Variants in STRBP observed in about 807,000 individuals in gnomAD.
STRBP encodes spermatid perinuclear RNA-binding protein.
In STRBP, 13 loss-of-function variants were observed where a neutral mutation model predicts 80.1. The ratio of observed to expected loss-of-function variants is 0.16; its 90% CI spans 0.11 to 0.26. The LOEUF (loss-of-function observed/expected upper bound fraction) is 0.26, where lower values mean the gene tolerates loss of function less well. Among genes scored for constraint, STRBP ranks in the 10% least tolerant of loss-of-function variants. The pLI is 1.00. For synonymous variants in STRBP, 284 were observed against 291.2 expected (o/e 0.98, Z 0.25); for missense variants, 485 against 815.2 (o/e 0.59, Z 4.93).
chr9:123,169,941 A>G lies in STRBP; in HGVS notation c.496T>C (p.Ser166Pro), dbSNP rs747366544. Residue 166 changes from serine (S) to proline (P), a missense_variant, in exon 6 of 19, where the codon TCA becomes CCA. Physicochemically the swap from Ser to Pro is moderately conservative, Grantham distance 74. Transcript: ENST00000348403. The part of the protein sequence containing the change: ...PTLTLKVILT[S>P]PLIRDELEKK... ...TCCAATTCGTCCCTAATTAGAGGTG[A>G]GGTAAGTATCACCTTCAAAGTTAGC... is the stretch of plus-strand genomic sequence containing the variant. The G allele has an allele frequency of 6.2e-7, 1 of 1,601,008 alleles. No individual in the cohort carries two copies. The highest frequency in any genetic ancestry group is 8.5e-7 in the Non-Finnish European group (1 of 1,174,956).
chr9:123,123,584 T>C lies in STRBP; in HGVS notation c.*2013A>G, dbSNP rs139507779. The C allele has an allele frequency of 1.5e-5, 15 of 984,232 alleles. No homozygotes were observed. The highest frequency in any genetic ancestry group is 1.2e-4 in the Admixed American group (2 of 16,190). 61.0% of individuals were successfully genotyped at this position (984,232 alleles called of 1,614,324 possible). The stretch of plus-strand genomic sequence containing the variant: ...AAACCATTTGAAATGACTGCCATCA[T>C]GTTGGAAAACAGCACAGCTCCCTTT... On this transcript the variant is annotated 3_prime_UTR_variant, in exon 19 of 19. Coordinates refer to ENST00000348403, the MANE Select transcript of STRBP (RefSeq NM_018387.5).
At chr9:123,233,156 C>T (rs2040445682) in intron 2 of STRBP, among the ~76,000 whole-genome samples, 1 of 152,202 alleles carries the variant, frequency 6.6e-6, no homozygotes, top group South Asian at 2.1e-4. Flanking sequence ...TCATGGCAGC[C>T]TAGTACTCCT....
intron 2 of STRBP, among the ~76,000 whole-genome samples, chr9:123,217,647 C>A (rs921902038): frequency 1.3e-5 from 2 of 152,196 alleles, no homozygotes; most frequent in Non-Finnish European, 2.9e-5. Context: ...TAAAGTTAAA[C>A]CTCCCTTAAA....
intron 2 of STRBP, among the ~76,000 whole-genome samples, chr9:123,196,373 G>T (rs2039090638): frequency 6.6e-6 from 1 of 152,088 alleles, no homozygotes; most frequent in Admixed American, 6.5e-5. Flanking sequence ...TGGACAAATG[G>T]TATCACATCA....
At position 123,160,355 on chromosome 9, in the gene STRBP, T is replaced by C; in HGVS notation, c.723+12A>G. 1 of 1,555,778 alleles carries C rather than the reference T, an allele frequency of 6.4e-7. No individual in the cohort carries two copies. The highest frequency in any genetic ancestry group is 8.8e-7 in the Non-Finnish European group (1 of 1,141,690). On this transcript the variant is annotated intron_variant, in intron 8 of 18. Coordinates refer to ENST00000348403, the MANE Select transcript of STRBP (RefSeq NM_018387.5). ...CTTCCAAATTTGCTTTTAGCCATAT[T>C]TAAGTACTTACCCATCCTTTCAATG...
chr9:123,139,756 G>A (rs2036512320), intron 13 of STRBP, 69 bp from the exon 14 acceptor site: 2 of 1,508,586 alleles, frequency 1.3e-6, no homozygotes, highest in Admixed American at 3.9e-5. Context: ...AAAATATTGA[G>A]AACAAAAGTT....
Position 123,136,571 on chromosome 9 carries a change from T to C in STRBP, c.1498-56A>G, listed in dbSNP as rs1588462792. The C allele has an allele frequency of 1.3e-6, 2 of 1,582,670 alleles. No homozygotes were observed. Among genetic ancestry groups the C allele is most frequent in the East Asian group, 4.5e-5 (2 of 44,370 alleles). ...TCAAGTAAGATTTTAGAATATTACA[T>C]TTCTTATTAATACAATTATGCTAAG... On this transcript the variant is annotated intron_variant, in intron 14 of 18. Transcript: ENST00000348403. The surrounding 1 kb of genome is among the most constrained non-coding windows in gnomAD (Gnocchi z 4.2).
chr9:123,248,261 GTTT>G (rs1223848724), intron 1 of STRBP, among the ~76,000 whole-genome samples: 23 of 75,420 alleles, frequency 3.0e-4, no homozygotes, highest in Non-Finnish European at 4.7e-4. Flanking sequence ...CCCCTATCGT[GTTT>G]TTTTTTTTTT....
chr9:123,239,655 ACAG>A (rs1192057664), intron 1 of STRBP, among the ~76,000 whole-genome samples: 1 of 152,244 alleles, frequency 6.6e-6, no homozygotes, highest in Non-Finnish European at 1.5e-5. Context: ...TATTCTTATA[ACAG>A]GAGCAGAGTA....
chr9:123,194,494 T>C (rs971758281), intron 2 of STRBP, among the ~76,000 whole-genome samples: 16 of 152,066 alleles, frequency 1.1e-4, no homozygotes, highest in Non-Finnish European at 1.5e-5. Flanking sequence ...TCAATAAAAA[T>C]AAAAAGGGAA....
chr9:123,164,891 C>G (rs910141352), intron 6 of STRBP, among the ~76,000 whole-genome samples: 1 of 152,148 alleles, frequency 6.6e-6, no homozygotes. Flanking sequence ...TAAGGTAGAA[C>G]AGAGAAAGCA....
At chr9:123,160,888 G>A in intron 7 of STRBP, 89 bp downstream of exon 7, 1 of 1,054,254 alleles carries the variant, frequency 9.5e-7, no homozygotes, top group Non-Finnish European at 1.4e-6. Flanking sequence ...CTCATTTTAT[G>A]TAGTACACAG....
At chr9:123,160,685 C>T (rs759385152) in intron 7 of STRBP, among the ~76,000 whole-genome samples, 4 of 152,196 alleles carry the variant, frequency 2.6e-5, no homozygotes, top group Non-Finnish European at 5.9e-5. Flanking sequence ...GGCAACCCCA[C>T]TCCAGGCAAC....
At chr9:123,196,696 T>C (rs2039103483) in intron 2 of STRBP, among the ~76,000 whole-genome samples, 1 of 152,102 alleles carries the variant, frequency 6.6e-6, no homozygotes, top group African/African-American at 2.4e-5. Context: ...TATAATCTTA[T>C]CCCAGTTAAA....
chr9:123,179,255 C>T, intron 3 of STRBP, 28 bp from the exon 4 acceptor site: 1 of 1,572,068 alleles, frequency 6.4e-7, no homozygotes, highest in Non-Finnish European at 8.7e-7. Context: ...AAAACAATTA[C>T]TTCAACAAAA....
chr9:123,147,917 C>T, intron 11 of STRBP, 47 bp from the exon 12 acceptor site: 1 of 1,478,758 alleles, frequency 6.8e-7, no homozygotes, highest in Non-Finnish European at 9.3e-7. Flanking sequence ...ACAACAATCC[C>T]CTTACCGTAC....
At chr9:123,203,442 A>G (rs2039401435) in intron 2 of STRBP, among the ~76,000 whole-genome samples, 1 of 152,126 alleles carries the variant, frequency 6.6e-6, no homozygotes, top group Non-Finnish European at 1.5e-5. Context: ...ATACTTCACA[A>G]TAATTAAGGC....
Position 123,210,196 on chromosome 9 carries a change from T to C in STRBP, c.-164-25898A>G, listed in dbSNP as rs1279339670. On this transcript the variant is annotated intron_variant, in intron 2 of 18. Coordinates refer to ENST00000348403, the MANE Select transcript of STRBP (RefSeq NM_018387.5). ...AAGTGTCAACTATAGAGTTAACAGA[T>C]ATGGGCATCGAAAATGAGAAAAACA... 2.0e-5 allele frequency among the ~76,000 whole-genome samples: 3 copies of C among 152,260 alleles called. No individual in the cohort carries two copies. In the East Asian group the frequency reaches 5.8e-4, roughly 29 times the overall value.
chr9:123,143,528 G>A (rs772090343), intron 13 of STRBP, among the ~76,000 whole-genome samples: 7 of 152,226 alleles, frequency 4.6e-5, no homozygotes, highest in Admixed American at 1.3e-4. Context: ...TCATAAACAC[G>A]TTAGATGCAA....
Sources: allele counts gnomAD v4.1 joint callset (sites outside exome capture counted in the v4.1 genomes callset), GRCh38; gene constraint gnomAD v4.1.1; non-coding constraint Gnocchi (gnomAD v3.1); transcripts MANE v1.5; gene names NCBI Gene and HGNC (gene_info 2026-07-23, HGNC 2026-07-21).